MEIS2: variants seen among roughly 807,000 people sequenced by gnomAD.
MEIS2 encodes the protein Meis homeobox 2, also known as homeobox protein Meis2.
A neutral mutation model predicts 58.6 loss-of-function variants in MEIS2; 9 were observed. The observed-to-expected ratio is 0.15, with a 90% CI of 0.09 to 0.27. The LOEUF (loss-of-function observed/expected upper bound fraction) is 0.27. Among genes scored for constraint, MEIS2 ranks in the 10% least tolerant of loss-of-function variants. The pLI, the probability that MEIS2 is intolerant of heterozygous loss-of-function variation, is 1.00. For synonymous variants in MEIS2, 221 were observed against 228.4 expected (o/e 0.97, Z 0.29); for missense variants, 427 against 635.0 (o/e 0.67, Z 3.52).
intron 9 of MEIS2, among the ~76,000 whole-genome samples, chr15:36,919,097 C>T (rs530875628): frequency 4.6e-5 from 7 of 152,106 alleles, no homozygotes; most frequent in African/African-American, 7.2e-5. Flanking sequence ...GGAAAAATCA[C>T]GTGATCCTAG....
At chr15:36,957,399 T>A (rs1474447842) in intron 8 of MEIS2, among the ~76,000 whole-genome samples, 1 of 152,188 alleles carries the variant, frequency 6.6e-6, no homozygotes, top group East Asian at 1.9e-4. Flanking sequence ...TTATTTGAAT[T>A]CAGTAAAATT....
intron 8 of MEIS2, among the ~76,000 whole-genome samples, chr15:37,013,040 C>T (rs1382313764): frequency 1.3e-5 from 2 of 152,120 alleles, no homozygotes; most frequent in Non-Finnish European, 2.9e-5. Context: ...GGGGACCACA[C>T]AAGAACGCAA....
At chr15:36,893,992 A>C (rs2056031002) in intron 11 of MEIS2, among the ~76,000 whole-genome samples, 1 of 152,222 alleles carries the variant, frequency 6.6e-6, no homozygotes, top group Admixed American at 6.5e-5. Context: ...TTCAGATGTC[A>C]AAAACACTTG....
chr15:36,976,483 T>C lies in MEIS2; in HGVS notation c.901-26083A>G, dbSNP rs368003679. ...ATATCCATATGTATATTATATTATA[T>C]TATTATATGTATATAATTATATTAT... On this transcript the variant is annotated intron_variant, in intron 8 of 11. Coordinates refer to ENST00000561208, the MANE Select transcript of MEIS2 (RefSeq NM_170675.5). Among the ~76,000 whole-genome samples, 595 of 148,438 alleles carry C rather than the reference T, an allele frequency of 4.0e-3. 1 individual carries two copies. The highest frequency in any genetic ancestry group is 6.0e-3 in the Non-Finnish European group (404 of 67,274).
intron 8 of MEIS2, among the ~76,000 whole-genome samples, chr15:36,955,544 G>C (rs1379030955): frequency 1.3e-5 from 2 of 152,180 alleles, no homozygotes; most frequent in African/African-American, 4.8e-5. Context: ...GGTAAAATGA[G>C]AGAAGGTTAA....
intron 7 of MEIS2, among the ~76,000 whole-genome samples, chr15:37,060,059 C>T (rs550990028): frequency 6.6e-6 from 1 of 152,286 alleles, no homozygotes; most frequent in East Asian, 1.9e-4. Context: ...CTGTCTCAGC[C>T]TCTCAAGTAA....
chr15:36,926,230 A>G (rs1029208737), intron 9 of MEIS2, among the ~76,000 whole-genome samples: 1 of 151,994 alleles, frequency 6.6e-6, no homozygotes, highest in African/African-American at 2.4e-5. Context: ...TACTGCATAC[A>G]ACATTAAAGC....
chr15:37,092,932 C>T (rs915428585), intron 6 of MEIS2, among the ~76,000 whole-genome samples: 1 of 151,856 alleles, frequency 6.6e-6, no homozygotes, highest in African/African-American at 2.4e-5. Flanking sequence ...TTCCCTTCAG[C>T]TTTCTGTAAT....
chr15:36,989,111 C>A (rs1047525161), intron 8 of MEIS2, among the ~76,000 whole-genome samples: 3 of 152,184 alleles, frequency 2.0e-5, no homozygotes, highest in Admixed American at 2.0e-4. Context: ...TTCTTATCTT[C>A]AGTGCTTGAC....
At chr15:36,971,621 C>A (rs1400703069) in intron 8 of MEIS2, among the ~76,000 whole-genome samples, 6 of 142,432 alleles carry the variant, frequency 4.2e-5, no homozygotes, top group African/African-American at 1.6e-4. Flanking sequence ...CAATAAGATC[C>A]TAGAATGGAG....
intron 9 of MEIS2, among the ~76,000 whole-genome samples, chr15:36,918,297 A>G (rs965946171): frequency 5.3e-5 from 8 of 152,200 alleles, no homozygotes; most frequent in African/African-American, 1.9e-4. Flanking sequence ...CTCTGGCTAT[A>G]TCTCTTACTG....
At chr15:37,015,290 G>A (rs779989137) in intron 8 of MEIS2, among the ~76,000 whole-genome samples, 12 of 152,164 alleles carry the variant, frequency 7.9e-5, no homozygotes, top group South Asian at 2.1e-4. Flanking sequence ...AATGAGTCCC[G>A]CTTAATTTGG....
At chr15:37,048,136 A>G (rs1255843288) in intron 7 of MEIS2, among the ~76,000 whole-genome samples, 1 of 152,182 alleles carries the variant, frequency 6.6e-6, no homozygotes, top group Non-Finnish European at 1.5e-5. Flanking sequence ...AATTTCCTAC[A>G]AAAGGCCGTT....
At chr15:36,893,418 C>T (rs2055991418) in intron 11 of MEIS2, among the ~76,000 whole-genome samples, 1 of 152,182 alleles carries the variant, frequency 6.6e-6, no homozygotes, top group Non-Finnish European at 1.5e-5. Flanking sequence ...ATCCGCAGTC[C>T]ATTATTAACA....
intron 7 of MEIS2, among the ~76,000 whole-genome samples, chr15:37,053,908 T>G (rs143034852): frequency 6.6e-6 from 1 of 152,208 alleles, no homozygotes; most frequent in African/African-American, 2.4e-5. Flanking sequence ...CATATCTATA[T>G]AATAATTTTT....
intron 9 of MEIS2, among the ~76,000 whole-genome samples, chr15:36,927,370 T>C (rs544629411): frequency 5.9e-5 from 9 of 151,344 alleles, no homozygotes; most frequent in South Asian, 2.1e-4. Flanking sequence ...GTAGAGAACC[T>C]GGAAAAAAGG....
intron 8 of MEIS2, among the ~76,000 whole-genome samples, chr15:36,982,284 T>C (rs1053223099): frequency 1.3e-5 from 2 of 152,160 alleles, no homozygotes; most frequent in Admixed American, 1.3e-4. Flanking sequence ...CCAAACTTAC[T>C]CATTCAGCAT....
At chr15:37,013,963 A>G (rs2061256205) in intron 8 of MEIS2, among the ~76,000 whole-genome samples, 1 of 152,190 alleles carries the variant, frequency 6.6e-6, no homozygotes, top group African/African-American at 2.4e-5. Context: ...CACTTGGTGA[A>G]GAATCTCAGG....
intron 8 of MEIS2, among the ~76,000 whole-genome samples, chr15:37,023,167 C>T (rs2061584082): frequency 6.6e-6 from 1 of 152,106 alleles, no homozygotes; most frequent in Admixed American, 6.6e-5. Flanking sequence ...TGCTTTTACT[C>T]TCAAAACATT....
Sources: gnomAD v4.1 joint callset for allele counts (sites outside exome capture counted in the v4.1 genomes callset) on GRCh38, gnomAD v4.1.1 for gene constraint, MANE v1.5 for transcripts, NCBI Gene and HGNC (gene_info 2026-07-23, HGNC 2026-07-21) for gene names.